The following TACR1 variants were observed in gnomAD, a reference collection of about 807,000 sequenced individuals.
The protein encoded by TACR1 is substance-P receptor.
A neutral mutation model predicts 35.8 loss-of-function variants in TACR1; 25 were observed. That is an observed-to-expected ratio of 0.70 (90% CI 0.51 to 0.98). The LOEUF is 0.98. TACR1 is among the 50% of genes least tolerant of loss of function. TACR1 has a pLI of 0.00. For missense variants in TACR1, 478 were observed against 522.9 expected (o/e 0.91, Z 0.84); for synonymous variants, 195 against 206.7 (o/e 0.94, Z 0.48).
intron 1 of TACR1, among the ~76,000 whole-genome samples, chr2:75,177,832 C>T (rs1675462174): frequency 6.6e-6 from 1 of 152,190 alleles, no homozygotes; most frequent in South Asian, 2.1e-4. Context: ...TCAAGGCATG[C>T]TTCAACATTG....
chr2:75,164,339 AAG>A (rs1308954712), intron 1 of TACR1, among the ~76,000 whole-genome samples: 1 of 151,580 alleles, frequency 6.6e-6, no homozygotes, highest in East Asian at 1.9e-4. Context: ...AAAAAAAAAA[AAG>A]AAAAAGCAGG....
At chr2:75,126,215 C>T (rs1191430104) in intron 1 of TACR1, among the ~76,000 whole-genome samples, 1 of 152,030 alleles carries the variant, frequency 6.6e-6, no homozygotes, top group Non-Finnish European at 1.5e-5. Context: ...GGATAATAGC[C>T]TCCAACTCCA....
At chr2:75,074,825 A>G (rs1156928875) in intron 2 of TACR1, among the ~76,000 whole-genome samples, 2 of 152,172 alleles carry the variant, frequency 1.3e-5, no homozygotes, top group Non-Finnish European at 2.9e-5. Context: ...TTTTAGTACT[A>G]ACAGGGTCAG....
chr2:75,094,838 C>CATATATATATATATATATATATATAT (rs770472061), intron 2 of TACR1, among the ~76,000 whole-genome samples: 25 of 119,834 alleles, frequency 2.1e-4, no homozygotes, highest in African/African-American at 3.2e-4. Flanking sequence ...GAAGCAGAAA[C>CATATATATATATATATATATATATAT]ATATATATAT....
chr2:75,154,856 G>A (rs760080104), intron 1 of TACR1, among the ~76,000 whole-genome samples: 1 of 151,900 alleles, frequency 6.6e-6, no homozygotes, highest in Non-Finnish European at 1.5e-5. Flanking sequence ...CCCTCCTTTC[G>A]GCCCATCCTC....
intron 1 of TACR1, among the ~76,000 whole-genome samples, chr2:75,138,780 C>CATTT: frequency 2.3e-5 from 2 of 85,914 alleles, no homozygotes; most frequent in Non-Finnish European, 5.1e-5. Flanking sequence ...TTCATTCATT[C>CATTT]ATTCATTCAA....
rs937759618 is a variant in TACR1, at chr2:75,052,701, G to A, written c.735+904C>T. On this transcript the variant is annotated intron_variant, in intron 3 of 4. Coordinates refer to ENST00000305249, the MANE Select transcript of TACR1 (RefSeq NM_001058.4). Reference sequence around the variant, plus strand: ...AATATATATTTACTTATTTATAAGTGCCAATAGCTAGAAGGGTTAAGAAAC... The same window carrying A: ...AATATATATTTACTTATTTATAAGTACCAATAGCTAGAAGGGTTAAGAAAC... Among the ~76,000 whole-genome samples the A allele has an allele frequency of 3.9e-5, 6 of 152,096 alleles. No homozygotes were observed. The East Asian group carries it at 7.7e-4, about 19-fold the overall frequency.
intron 1 of TACR1, among the ~76,000 whole-genome samples, chr2:75,131,337 C>T (rs572881277): frequency 6.6e-6 from 1 of 152,168 alleles, no homozygotes; most frequent in South Asian, 2.1e-4. Context: ...ATCTGCCTGC[C>T]TTGGCCTCCC....
rs376155864 is a variant in TACR1 at position 75,108,248 on chromosome 2, A to T, written c.584+12326T>A. 4.2e-4 allele frequency among the ~76,000 whole-genome samples: 64 copies of T among 152,232 alleles called. 1 individual carries two copies. The highest frequency in any genetic ancestry group is 3.7e-3 in the South Asian group (18 of 4,826). ...AAAACCAAACAAATATTACTTTTTG[A>T]TATTGATATAAAAATCCTATGTAAT... On this transcript the variant is annotated intron_variant, in intron 2 of 4. Transcript: ENST00000305249.
At chr2:75,089,885 TCAAA>T (rs1402453826) in intron 2 of TACR1, among the ~76,000 whole-genome samples, 1 of 152,092 alleles carries the variant, frequency 6.6e-6, no homozygotes, top group Non-Finnish European at 1.5e-5. Flanking sequence ...TTTACAAATC[TCAAA>T]CAAACAAATT....
At chr2:75,160,592 A>G (rs1283192094) in intron 1 of TACR1, among the ~76,000 whole-genome samples, 1 of 151,738 alleles carries the variant, frequency 6.6e-6, no homozygotes. Context: ...CAGTTACAAA[A>G]TCGGATTCAG....
chr2:75,091,962 A>G (rs1437994047), intron 2 of TACR1, among the ~76,000 whole-genome samples: 1 of 152,256 alleles, frequency 6.6e-6, no homozygotes, highest in Non-Finnish European at 1.5e-5. Context: ...CATCTATTAA[A>G]TAAGGACAAC....
intron 2 of TACR1, among the ~76,000 whole-genome samples, chr2:75,112,367 G>T (rs991416636): frequency 9.2e-5 from 14 of 151,918 alleles, no homozygotes; most frequent in Admixed American, 8.5e-4. Context: ...TCTTTCAGAT[G>T]ATTCACTTTA....
At chr2:75,178,616 T>TCCC (rs1416067909) in intron 1 of TACR1, among the ~76,000 whole-genome samples, 2 of 152,116 alleles carry the variant, frequency 1.3e-5, no homozygotes, top group Non-Finnish European at 2.9e-5. Flanking sequence ...ACTCCACTTC[T>TCCC]CCCCTCACAT....
chr2:75,156,511 G>C (rs899122185), intron 1 of TACR1, among the ~76,000 whole-genome samples: 1 of 150,746 alleles, frequency 6.6e-6, no homozygotes, highest in Non-Finnish European at 1.5e-5. Flanking sequence ...GCTGAGGCAG[G>C]AGAATGGTGT....
chr2:75,053,027 G>C (rs1385676572), intron 3 of TACR1, among the ~76,000 whole-genome samples: 1 of 151,960 alleles, frequency 6.6e-6, no homozygotes, highest in African/African-American at 2.4e-5. Flanking sequence ...CTATATTTGG[G>C]TTTTTGCCAG....
At chr2:75,193,520 A>G (rs1435209955) in intron 1 of TACR1, among the ~76,000 whole-genome samples, 1 of 151,984 alleles carries the variant, frequency 6.6e-6, no homozygotes, top group Admixed American at 6.5e-5. Context: ...TTTCTGGGCA[A>G]CTCCTCAATT....
At chr2:75,074,683 A>AT (rs900302566) in intron 2 of TACR1, among the ~76,000 whole-genome samples, 35 of 150,504 alleles carry the variant, frequency 2.3e-4, no homozygotes, top group African/African-American at 5.8e-4. Flanking sequence ...GAAGGCAGGG[A>AT]TTTTTTTTTT....
At chr2:75,100,092 C>T (rs1673506499) in intron 2 of TACR1, among the ~76,000 whole-genome samples, 1 of 152,170 alleles carries the variant, frequency 6.6e-6, no homozygotes, top group Admixed American at 6.5e-5. Context: ...CACACCCCCA[C>T]ACACATCACA....
Sources: allele counts gnomAD v4.1 joint callset (sites outside exome capture counted in the v4.1 genomes callset), GRCh38; gene constraint gnomAD v4.1.1; transcripts MANE v1.5; gene names NCBI Gene and HGNC (gene_info 2026-07-23, HGNC 2026-07-21).